Variants in QPRT observed in about 807,000 individuals in gnomAD.
QPRT encodes quinolinate phosphoribosyltransferase, also known as nicotinate-nucleotide pyrophosphorylase [carboxylating].
In QPRT, 17 loss-of-function variants were observed where a neutral mutation model predicts 19.8. The ratio of observed to expected loss-of-function variants is 0.86; its 90% CI spans 0.59 to 1.29. The LOEUF (loss-of-function observed/expected upper bound fraction) is 1.29. QPRT is among the 50% of genes most tolerant of loss of function. The probability of loss-of-function intolerance (pLI) is 0.00; values close to 1 mark genes in which losing one functional copy is unlikely to be tolerated. For missense variants in QPRT, 336 were observed against 405.1 expected (o/e 0.83, Z 1.46); for synonymous variants, 178 against 191.0 (o/e 0.93, Z 0.56).
At chr16:29,686,738 T>G (rs1967173841) in intron 1 of QPRT, among the ~76,000 whole-genome samples, 1 of 152,286 alleles carries the variant, frequency 6.6e-6, no homozygotes, top group African/African-American at 2.4e-5. Flanking sequence ...ACTCCTGACT[T>G]CAAGTGGTCC....
rs1449030248 is a variant in QPRT at position 29,697,141 on chromosome 16, T to C, written c.681+14T>C. The C allele has an allele frequency of 2.5e-6, 4 of 1,599,940 alleles. No homozygotes were observed. The highest frequency in any genetic ancestry group is 3.4e-5 in the Admixed American group (2 of 59,318). ...TTCAAGCCAGAGGTAAGGTGGGCTC[T>C]GCCTCCGGGGAGGGATCTGTGGTGG... On this transcript the variant is annotated intron_variant, in intron 3 of 3. Coordinates refer to ENST00000395384, the MANE Select transcript of QPRT (RefSeq NM_014298.6). This position sits in a 1 kb window ranked among gnomAD's most constrained non-coding sequence, Gnocchi z 4.4.
rs780619295 is a variant in QPRT, at chr16:29,695,084, G to A, written c.434G>A (p.Arg145Gln). 59 of 1,605,342 alleles carry A rather than the reference G, an allele frequency of 3.7e-5. No homozygotes were observed. The highest frequency in any genetic ancestry group is 4.8e-5 in the Non-Finnish European group (57 of 1,177,996). The change falls in exon 2 of 4, where the codon CGG becomes CAG. Residue 145 changes from arginine (R) to glutamine (Q), a missense_variant. Physicochemically the swap from Arg to Gln is conservative, Grantham distance 43. Transcript: ENST00000395384. ...AGTRKTTPGF[R>Q]LVEKYGLLVG... is the part of the protein sequence containing the mutation. ...ACGAGGAAGACCACGCCAGGCTTCC[G>A]GCTGGTGGAGAAGTATGGGCTCCTG...
intron 1 of QPRT, among the ~76,000 whole-genome samples, chr16:29,681,225 A>G (rs1289048420): frequency 6.6e-6 from 1 of 152,050 alleles, no homozygotes; most frequent in Non-Finnish European, 1.5e-5. Context: ...CAAGTTTTGT[A>G]ACCTGTAGAA....
intron 1 of QPRT, among the ~76,000 whole-genome samples, chr16:29,682,907 TA>T (rs1231956402): frequency 6.6e-6 from 1 of 152,142 alleles, no homozygotes; most frequent in East Asian, 1.9e-4. Flanking sequence ...TTTGAAACTT[TA>T]TTTTTTTGAT....
At position 29,697,413 on chromosome 16, in the gene QPRT, C is replaced by T. The variant is rs1253369636; in HGVS notation, c.*2C>T. On this transcript the variant is annotated 3_prime_UTR_variant, in exon 4 of 4. Transcript: ENST00000395384. This position sits in a 1 kb window ranked among gnomAD's most constrained non-coding sequence, Gnocchi z 4.4. ...GCTCCAGTGCCCAAAATCCACTAGT[C>T]CTAAACCGGAAGAGGATGACACCGG... The T allele has an allele frequency of 1.9e-6, 3 of 1,608,144 alleles. No homozygotes were observed. The highest frequency in any genetic ancestry group is 1.7e-4 in the Middle Eastern group (1 of 6,054).
intron 1 of QPRT, among the ~76,000 whole-genome samples, chr16:29,681,571 G>T (rs1002095962): frequency 7.3e-6 from 1 of 137,308 alleles, no homozygotes; most frequent in African/African-American, 2.9e-5. Context: ...ATCTTGGCTC[G>T]CTGCAACCTC....
chr16:29,681,490 A>ATTTTTTTT (rs573949264), intron 1 of QPRT, among the ~76,000 whole-genome samples: 1 of 69,744 alleles, frequency 1.4e-5, no homozygotes, highest in African/African-American at 6.0e-5. Flanking sequence ...TCAGATCCAG[A>ATTTTTTTT]TTCTTTTTTT....
intron 1 of QPRT, among the ~76,000 whole-genome samples, chr16:29,690,775 C>T (rs557219447): frequency 4.1e-4 from 63 of 152,156 alleles, no homozygotes; most frequent in Admixed American, 1.4e-3. Context: ...CTGCAAACTC[C>T]GCCTCCCTGG....
At chr16:29,694,519 CTCA>C in intron 1 of QPRT, 142 bp from the exon 2 acceptor site, 1 of 770,192 alleles carries the variant, frequency 1.3e-6, no homozygotes, top group Non-Finnish European at 1.9e-6. Flanking sequence ...GCCCCCCTTC[CTCA>C]CCGCAGTCCC....
rs1967623622 is a variant in QPRT at position 29,698,570 on chromosome 16, G to A, written c.*1159G>A. On this transcript the variant is annotated 3_prime_UTR_variant, in exon 4 of 4. Coordinates refer to ENST00000395384, the MANE Select transcript of QPRT (RefSeq NM_014298.6). ...GTTCCCCGCTTGCTTGAGATATCAT[G>A]ACCCTTTCACGTGGACCCCTTAGAG... 6.6e-6 allele frequency: 1 copy of A among 152,590 alleles called. No homozygotes were observed. The allele number at this position is 152,590 out of a possible 1,614,324, so 9.5% of individuals were successfully genotyped here. A position where few individuals can be genotyped will look rare whatever the true frequency, so the allele number is the denominator to read the frequency against.
intron 1 of QPRT, 120 bp from the exon 2 acceptor site, chr16:29,694,544 C>T: frequency 8.7e-7 from 1 of 1,146,064 alleles, no homozygotes; most frequent in Admixed American, 2.7e-5. Flanking sequence ...CCCCTGGGAC[C>T]CCTAGATCTT....
chr16:29,698,039 GGAAAGGAAGGATGGAAA>G lies in QPRT; in HGVS notation c.*638_*654del, dbSNP rs1405901461. On this transcript the variant is annotated 3_prime_UTR_variant, in exon 4 of 4. Coordinates refer to ENST00000395384, the MANE Select transcript of QPRT (RefSeq NM_014298.6). ...AAGAGAGAGGGAGGGAGGGAGGGAGGGAAAGGAAGGATGGAAAGAAAGGAAGAAAGGCAGGCAAAAGC... is the reference window on the plus strand; with the variant it reads ...AAGAGAGAGGGAGGGAGGGAGGGAGGGAAAGGAAGAAAGGCAGGCAAAAGC... The G allele has an allele frequency of 6.6e-6, 1 of 151,346 alleles. No homozygotes were observed. The highest frequency in any genetic ancestry group is 6.6e-5 in the Admixed American group (1 of 15,132). The allele number at this position is 151,346 out of a possible 1,614,324, so 9.4% of individuals were successfully genotyped here. A position where few individuals can be genotyped will look rare whatever the true frequency, so the allele number is the denominator to read the frequency against.
intron 1 of QPRT, among the ~76,000 whole-genome samples, chr16:29,684,142 C>T (rs1341303109): frequency 2.6e-5 from 4 of 152,056 alleles, no homozygotes; most frequent in Non-Finnish European, 5.9e-5. Flanking sequence ...ATTTTAGAGA[C>T]CGTGGCTTGC....
In QPRT at chr16:29,694,977, C is replaced by T. The variant is rs1006917414; in HGVS notation, c.327C>T (p.Ala109=). 1 of 1,607,526 alleles carries T rather than the reference C, an allele frequency of 6.2e-7. No individual in the cohort carries two copies. Among genetic ancestry groups the T allele is most frequent in the African/African-American group, 1.3e-5 (1 of 74,896 alleles). The change falls in exon 2 of 4, where the codon GCC becomes GCT. Residue 109 remains alanine (A), a synonymous_variant. Coordinates refer to ENST00000395384, the MANE Select transcript of QPRT (RefSeq NM_014298.6). The part of the protein sequence containing the change: ...LGERVALNTL[A]RCSGIASAAA... The stretch of plus-strand genomic sequence containing the variant: ...AACGGGTGGCCCTCAACACGCTGGC[C>T]CGCTGCAGTGGCATTGCCAGTGCTG...
rs1279945764 is a variant in QPRT at position 29,698,399 on chromosome 16, C to T, written c.*988C>T. 1.3e-5 allele frequency: 2 copies of T among 152,048 alleles called. No individual in the cohort carries two copies. Among genetic ancestry groups the T allele is most frequent in the East Asian group, 3.9e-4 (2 of 5,194 alleles). The allele number at this position is 152,048 out of a possible 1,614,324, so 9.4% of individuals were successfully genotyped here. On this transcript the variant is annotated 3_prime_UTR_variant, in exon 4 of 4. Transcript: ENST00000395384. ...AGAAGACCTTGGCGACACCACCCGG[C>T]CCTGGTAGTTAAAAAAAAGTAACAA...
chr16:29,695,484 CTTTTTTTTTTT>C (rs962384967), intron 2 of QPRT, among the ~76,000 whole-genome samples: 33 of 93,612 alleles, frequency 3.5e-4, no homozygotes, highest in South Asian at 1.5e-3. Context: ...CTAATTTTTG[CTTTTTTTTTTT>C]TTTTTTTTTT....
chr16:29,685,672 A>T (rs981931581), intron 1 of QPRT, among the ~76,000 whole-genome samples: 1 of 151,872 alleles, frequency 6.6e-6, no homozygotes, highest in Admixed American at 6.6e-5. Context: ...ACCCTTCTGG[A>T]GCAAAACCAT....
In QPRT at chr16:29,694,997, G is replaced by C; in HGVS notation, c.347G>C (p.Ser116Thr). The C allele has an allele frequency of 6.2e-7, 1 of 1,605,180 alleles. No individual in the cohort carries two copies. The highest frequency in any genetic ancestry group is 8.5e-7 in the Non-Finnish European group (1 of 1,178,848). Residue 116 changes from serine (S) to threonine (T), a missense_variant, in exon 2 of 4, where the codon AGT becomes ACT. Ser to Thr is a moderately conservative substitution (Grantham distance 58). Transcript: ENST00000395384. ...CTGGCCCGCTGCAGTGGCATTGCCA[G>C]TGCTGCCGCCGCTGCAGTGGAGGCC... is the stretch of plus-strand genomic sequence containing the variant. ...NTLARCSGIA[S>T]AAAAAVEAAR... is the part of the protein sequence containing the mutation.
intron 1 of QPRT, among the ~76,000 whole-genome samples, chr16:29,685,455 T>C (rs1967133736): frequency 6.6e-6 from 1 of 152,110 alleles, no homozygotes; most frequent in Non-Finnish European, 1.5e-5. Flanking sequence ...CAGGCGACAG[T>C]GAGACTCCGT....
Sources: gnomAD v4.1 joint callset for allele counts (sites outside exome capture counted in the v4.1 genomes callset) on GRCh38, gnomAD v4.1.1 for gene constraint, Gnocchi (gnomAD v3.1) non-coding constraint, MANE v1.5 for transcripts, NCBI Gene and HGNC (gene_info 2026-07-23, HGNC 2026-07-21) for gene names.